The following ARSG variants were observed in gnomAD, a reference collection of about 807,000 sequenced individuals.
ARSG encodes ASG.
ARSG carries 37 observed loss-of-function variants against 50.5 expected under a neutral mutation model. The observed-to-expected ratio is 0.73, with a 90% CI of 0.56 to 0.96. The LOEUF is 0.96. Ranked by LOEUF, ARSG falls within the 50% of genes least tolerant of loss-of-function variation. The pLI is 0.00. For missense variants in ARSG, 629 were observed against 675.3 expected (o/e 0.93, Z 0.76); for synonymous variants, 225 against 254.6 (o/e 0.88, Z 1.11).
chr17:68,410,171 T>C (rs2081936137), intron 11 of ARSG, among the ~76,000 whole-genome samples: 1 of 112,534 alleles, frequency 8.9e-6, no homozygotes, highest in Non-Finnish European at 1.8e-5. Flanking sequence ...TGAATAGGAG[T>C]GGTGAGAGAG....
chr17:68,364,650 A>G (rs1290472666), intron 6 of ARSG, among the ~76,000 whole-genome samples: 1 of 152,134 alleles, frequency 6.6e-6, no homozygotes, highest in African/African-American at 2.4e-5. Context: ...TGTGAGGATA[A>G]CCTGTTTTAA....
chr17:68,421,473 G>T (rs10730), downstream of ARSG: 14 of 387,354 alleles, frequency 3.6e-5, no homozygotes. Context: ...TTAAAAAGGA[G>T]GCCCCTTTTA....
chr17:68,272,216 G>A (rs189135414), intron 1 of ARSG, among the ~76,000 whole-genome samples: 7 of 152,258 alleles, frequency 4.6e-5, no homozygotes, highest in African/African-American at 1.4e-4. Context: ...GGGATTACAG[G>A]TGTAAGCCAC....
rs570652693 is a variant in ARSG, at chr17:68,307,914, T to A, written c.218+203T>A. On this transcript the variant is annotated intron_variant, in intron 2 of 11. Coordinates refer to ENST00000621439, the MANE Select transcript of ARSG (RefSeq NM_001267727.2). ...GCACCCATCCATCTATCTAGTAACA[T>A]TCATTATGTGTTAGGAGCTAGGAAT... is the stretch of plus-strand genomic sequence containing the variant. Among the ~76,000 whole-genome samples the A allele has an allele frequency of 5.2e-3, 791 of 152,228 alleles. 8 individuals carry two copies. Among genetic ancestry groups the A allele is most frequent in the African/African-American group, 0.018 (736 of 41,522 alleles).
At chr17:68,262,407 G>C (rs1444362698) in intron 1 of ARSG, among the ~76,000 whole-genome samples, 5 of 152,250 alleles carry the variant, frequency 3.3e-5, no homozygotes, top group Middle Eastern at 3.4e-3. Flanking sequence ...GGAGGCGGAG[G>C]TTGCAGTGAG....
At chr17:68,358,389 C>CA (rs143987998) in intron 6 of ARSG, among the ~76,000 whole-genome samples, 2,885 of 151,354 alleles carry the variant, frequency 0.019, 101 homozygotes, top group African/African-American at 0.067. Context: ...CTTGTCTTTA[C>CA]AAAAAATTAT....
rs373638226 is a variant in ARSG at position 68,420,350 on chromosome 17, G to A, written c.1465G>A (p.Val489Ile). 128 of 1,614,002 alleles carry A rather than the reference G, an allele frequency of 7.9e-5. No individual in the cohort carries two copies. Among genetic ancestry groups the A allele is most frequent in the Non-Finnish European group, 9.7e-5 (115 of 1,180,032 alleles). Residue 489 changes from valine to isoleucine, a missense_variant, in exon 12 of 12, where the codon GTC becomes ATC. Coordinates refer to ENST00000621439, the MANE Select transcript of ARSG (RefSeq NM_001267727.2). ...LPEVRKVLAD[V>I]LQDIANDNIS... ...CGAGGTCAGAAAGGTTCTTGCAGACGTCCTCCAAGACATTGCCAACGACAA... is the reference window on the plus strand; with the variant it reads ...CGAGGTCAGAAAGGTTCTTGCAGACATCCTCCAAGACATTGCCAACGACAA...
chr17:68,336,926 C>A (rs573269577), intron 2 of ARSG, among the ~76,000 whole-genome samples: 1 of 152,154 alleles, frequency 6.6e-6, no homozygotes, highest in South Asian at 2.1e-4. Flanking sequence ...TGGAGGGTGA[C>A]CTGAGGTGAC....
In ARSG at chr17:68,367,025, CATA is replaced by C. The variant is rs1484388686; in HGVS notation, c.705-1519_705-1517del. On this transcript the variant is annotated intron_variant, in intron 6 of 11. Transcript: ENST00000621439. The surrounding 1 kb of genome is among the most constrained non-coding windows in gnomAD (Gnocchi z 4.5). ...TTGGTGACTGGATTATTTCACTTAGCATAATATTTTCCGGGTCCACCCATGTGC... is the reference window on the plus strand; with the variant it reads ...TTGGTGACTGGATTATTTCACTTAGCATATTTTCCGGGTCCACCCATGTGC... 6.6e-6 allele frequency among the ~76,000 whole-genome samples: 1 copy of C among 152,200 alleles called. No homozygotes were observed. Among genetic ancestry groups the C allele is most frequent in the East Asian group, 1.9e-4 (1 of 5,202 alleles).
intron 2 of ARSG, among the ~76,000 whole-genome samples, chr17:68,335,308 C>T (rs909232783): frequency 6.6e-5 from 10 of 152,058 alleles, no homozygotes; most frequent in Admixed American, 1.3e-4. Flanking sequence ...AATCCCAGCA[C>T]TTTGGGAGGC....
At chr17:68,343,851 C>T in intron 3 of ARSG, 60 bp downstream of exon 3, 2 of 1,500,172 alleles carry the variant, frequency 1.3e-6, no homozygotes, top group Non-Finnish European at 1.8e-6. Context: ...CTTGTGTTTG[C>T]AAATTCCCAA....
intron 10 of ARSG, among the ~76,000 whole-genome samples, chr17:68,396,405 T>C (rs2081252739): frequency 6.6e-6 from 1 of 152,168 alleles, no homozygotes; most frequent in African/African-American, 2.4e-5. Flanking sequence ...CTGTTTGCAC[T>C]CTGAAGCACT....
chr17:68,343,860 A>G, intron 3 of ARSG, 69 bp downstream of exon 3: 1 of 1,450,086 alleles, frequency 6.9e-7, no homozygotes, highest in Non-Finnish European at 9.4e-7. Context: ...GCAAATTCCC[A>G]ACATACTCCC....
At chr17:68,384,874 C>T (rs2080622976) in intron 8 of ARSG, among the ~76,000 whole-genome samples, 190 bp from the exon 9 acceptor site, 1 of 152,096 alleles carries the variant, frequency 6.6e-6, no homozygotes, top group African/African-American at 2.4e-5. Flanking sequence ...ATCTGAAGTC[C>T]AGTAAAATAA....
rs10660116 is a variant in ARSG, at chr17:68,313,681, C to CTT, written c.218+5971_218+5972insTT. On this transcript the variant is annotated intron_variant, in intron 2 of 11. Coordinates refer to ENST00000621439, the MANE Select transcript of ARSG (RefSeq NM_001267727.2). ...AGCTGTATTACGTATCTCTCTCTCT[C>CTT]TCTTTTTTTTTTTTTTGAGACACAG... is the stretch of plus-strand genomic sequence containing the variant. Among the ~76,000 whole-genome samples the CTT allele has an allele frequency of 7.5e-4, 93 of 123,386 alleles. 2 individuals are homozygous for CTT. The Middle Eastern group carries it at 0.014, about 19-fold the overall frequency. The allele number at this position is 123,386 out of a possible 152,430, so 80.9% of individuals were successfully genotyped here.
In ARSG at chr17:68,307,690, A is replaced by C; in HGVS notation, c.197A>C (p.Lys66Thr). The C allele has an allele frequency of 6.3e-7, 1 of 1,591,748 alleles. No individual in the cohort carries two copies. Among genetic ancestry groups the C allele is most frequent in the African/African-American group, 1.3e-5 (1 of 74,608 alleles). ...AETKDTANLD[K>T]MASEGMRFVD... ...ACAAAGGACACTGCCAACCTTGATA[A>C]GATGGCTTCGGAGGGAATGAGGTGA... Residue 66 changes from lysine (K) to threonine (T), a missense_variant, in exon 2 of 12, where the codon AAG becomes ACG. Transcript: ENST00000621439.
At position 68,313,571 on chromosome 17, in the gene ARSG, G is replaced by A. The variant is rs139269596; in HGVS notation, c.218+5860G>A. Among the ~76,000 whole-genome samples, 594 of 152,174 alleles carry A rather than the reference G, an allele frequency of 3.9e-3. 8 individuals carry two copies. Among genetic ancestry groups the A allele is most frequent in the African/African-American group, 0.014 (575 of 41,504 alleles). On this transcript the variant is annotated intron_variant, in intron 2 of 11. Transcript: ENST00000621439. ...CTCATCTTAACTTAATGACATCTGCGAAGACGCTATCTCCAAATAAGGTCA... is the reference window on the plus strand; with the variant it reads ...CTCATCTTAACTTAATGACATCTGCAAAGACGCTATCTCCAAATAAGGTCA...
At chr17:68,382,442 C>T (rs1282708301) in intron 8 of ARSG, among the ~76,000 whole-genome samples, 2 of 152,278 alleles carry the variant, frequency 1.3e-5, no homozygotes, top group Non-Finnish European at 2.9e-5. Flanking sequence ...TCAATAAATA[C>T]GAGATGTTAT....
intron 11 of ARSG, among the ~76,000 whole-genome samples, chr17:68,408,458 C>T (rs2081846375): frequency 6.6e-6 from 1 of 151,942 alleles, no homozygotes; most frequent in Admixed American, 6.6e-5. Context: ...ATGAACTCAT[C>T]ATTTTTTATG....
Sources: gnomAD v4.1 joint callset for allele counts (sites outside exome capture counted in the v4.1 genomes callset) on GRCh38, gnomAD v4.1.1 for gene constraint, Gnocchi (gnomAD v3.1) non-coding constraint, MANE v1.5 for transcripts, NCBI Gene and HGNC (gene_info 2026-07-23, HGNC 2026-07-21) for gene names.